Variants in PLEKHF1 observed in about 807,000 individuals in gnomAD.
The protein encoded by PLEKHF1 is pleckstrin homology and FYVE domain containing 1.
Under a neutral mutation model 4.1 loss-of-function variants are expected in PLEKHF1, and 1 was observed. That is an observed-to-expected ratio of 0.24 (90% CI 0.09 to 1.15). The LOEUF is 1.15. PLEKHF1 is among the 50% of genes most tolerant of loss of function. The probability of loss-of-function intolerance (pLI) is 0.52; values close to 1 mark genes in which losing one functional copy is unlikely to be tolerated. For synonymous variants in PLEKHF1, 182 were observed against 178.5 expected, an observed-to-expected ratio of 1.02 and a Z score of -0.16; for missense variants, 429 against 400.6, an observed-to-expected ratio of 1.07 and a Z score of -0.60.
At position 29,665,495 on chromosome 19, in the gene PLEKHF1, C is replaced by A; in HGVS notation, c.-27C>A. 2.6e-6 allele frequency: 3 copies of A among 1,164,840 alleles called. No homozygotes were observed. The highest frequency in any genetic ancestry group is 1.7e-5 in the African/African-American group (1 of 59,506). The allele number at this position is 1,164,840 out of a possible 1,614,324, so 72.2% of individuals were successfully genotyped here. ...TGGACTCGAGGGCTGGGCGCGGGGC[C>A]GGCGCAGAAGGTGAGTCCCCCCACC... On this transcript the variant is annotated 5_prime_UTR_variant, in exon 1 of 2. Transcript: ENST00000436066.
Position 29,673,835 on chromosome 19 carries a change from A to G in PLEKHF1, c.-5A>G. ...GTCTCCTCCTGCAGCCGCCAGCTGG[A>G]GACGATGGTGGACCACTTGGCCAAC... On this transcript the variant is annotated 5_prime_UTR_variant, in exon 2 of 2. Transcript: ENST00000436066. The G allele has an allele frequency of 6.3e-7, 1 of 1,587,262 alleles. No individual in the cohort carries two copies. Among genetic ancestry groups the G allele is most frequent in the Non-Finnish European group, 8.6e-7 (1 of 1,164,254 alleles).
Position 29,674,277 on chromosome 19 carries a change from G to A in PLEKHF1, c.438G>A (p.Ala146=), listed in dbSNP as rs35720974. ...GCCGCCCGCCCAGCACGGAGCACGC[G>A]GCACCCTGGATCCCCGACAAGGCCA... ...ATGRPPSTEH[A]APWIPDKATD... The change falls in exon 2 of 2, where the codon GCG becomes GCA. Residue 146 remains alanine (A), a synonymous_variant. Transcript: ENST00000436066. 1.4e-3 allele frequency: 2,243 copies of A among 1,600,118 alleles called. 40 individuals are homozygous for A. In the African/African-American group the frequency reaches 0.025, roughly 18 times the overall value.
At chr19:29,670,434 C>T (rs1050969302) in intron 1 of PLEKHF1, among the ~76,000 whole-genome samples, 25 of 152,140 alleles carry the variant, frequency 1.6e-4, no homozygotes, top group African/African-American at 5.6e-4. Flanking sequence ...AGGGCTCATT[C>T]GTGTTGTAGT....
intron 1 of PLEKHF1, 97 bp downstream of exon 1, chr19:29,665,602 C>A (rs948190049): frequency 8.2e-7 from 1 of 1,213,476 alleles, no homozygotes; most frequent in Non-Finnish European, 1.0e-6. Flanking sequence ...CGAGCTCTCT[C>A]CCGCCGCGCG....
intron 1 of PLEKHF1, among the ~76,000 whole-genome samples, chr19:29,665,958 G>A (rs1477582615): frequency 2.0e-5 from 3 of 152,134 alleles, no homozygotes; most frequent in Non-Finnish European, 2.9e-5. Context: ...CTGGGCAGGG[G>A]CGCGGCGGGG....
intron 1 of PLEKHF1, among the ~76,000 whole-genome samples, chr19:29,668,416 T>TA (rs57550573): frequency 0.017 from 2,376 of 141,774 alleles, 57 homozygotes; most frequent in African/African-American, 0.055. Flanking sequence ...TGAGAACAAT[T>TA]AAAAAAAAAA....
chr19:29,674,254 C>T lies in PLEKHF1; in HGVS notation c.415C>T (p.Arg139Cys), dbSNP rs1301515494. The part of the protein sequence containing the change: ...CVRRQLRATG[R>C]PPSTEHAAPW... Reference sequence around the variant, plus strand: ...GCGGCGGCAACTGAGGGCCACGGGCCGCCCGCCCAGCACGGAGCACGCGGC... The same window carrying T: ...GCGGCGGCAACTGAGGGCCACGGGCTGCCCGCCCAGCACGGAGCACGCGGC... Residue 139 changes from arginine to cysteine, a missense_variant, in exon 2 of 2, where the codon CGC becomes TGC. By Grantham distance (180) the Arg-to-Cys change is radical (BLOSUM62 -3). Coordinates refer to ENST00000436066, the MANE Select transcript of PLEKHF1 (RefSeq NM_024310.5). The T allele has an allele frequency of 3.1e-6, 5 of 1,607,688 alleles. No homozygotes were observed. Among genetic ancestry groups the T allele is most frequent in the Non-Finnish European group, 4.2e-6 (5 of 1,179,148 alleles).
intron 1 of PLEKHF1, among the ~76,000 whole-genome samples, chr19:29,672,235 T>C (rs904149844): frequency 2.6e-5 from 4 of 152,136 alleles, no homozygotes; most frequent in African/African-American, 4.8e-5. Context: ...ATTTTAGGCT[T>C]TGTCACCATG....
intron 1 of PLEKHF1, among the ~76,000 whole-genome samples, 157 bp from the exon 2 acceptor site, chr19:29,673,667 G>A (rs1864222): frequency 0.34 from 51,055 of 152,048 alleles, 10,257 homozygotes; most frequent in African/African-American, 0.56. Flanking sequence ...GTCAGCTTCC[G>A]AGGTGATGCT....
intron 1 of PLEKHF1, among the ~76,000 whole-genome samples, chr19:29,669,192 G>A (rs1051543901): frequency 2.0e-5 from 3 of 152,116 alleles, no homozygotes; most frequent in African/African-American, 4.8e-5. Context: ...TCTGCTGGAC[G>A]GGTCCAGGGT....
Position 29,675,048 on chromosome 19 carries a change from G to A in PLEKHF1, c.*369G>A. On this transcript the variant is annotated 3_prime_UTR_variant, in exon 2 of 2. Transcript: ENST00000436066. The stretch of plus-strand genomic sequence containing the variant: ...AACACAGAGGGAAGACAGGATGGGA[G>A]TGTAGCCACAGAACCCACCTGCACC... 1.3e-5 allele frequency: 3 copies of A among 223,798 alleles called. No homozygotes were observed. The highest frequency in any genetic ancestry group is 5.4e-5 in the Admixed American group (1 of 18,444). The allele number at this position is 223,798 out of a possible 1,614,324, so 13.9% of individuals were successfully genotyped here.
At position 29,673,992 on chromosome 19, in the gene PLEKHF1, G is replaced by C; in HGVS notation, c.153G>C (p.Lys51Asn). The C allele has an allele frequency of 6.2e-7, 1 of 1,614,108 alleles. No individual in the cohort carries two copies. The highest frequency in any genetic ancestry group is 8.5e-7 in the Non-Finnish European group (1 of 1,180,000). The change falls in exon 2 of 2, where the codon AAG becomes AAC. Residue 51 changes from lysine (K) to asparagine (N), a missense_variant. Coordinates refer to ENST00000436066, the MANE Select transcript of PLEKHF1 (RefSeq NM_024310.5). ...VLTKECRKKA[K>N]PRIFFLFNDI... Reference sequence around the variant, plus strand: ...CCAAAGAGTGCCGCAAGAAGGCCAAGCCGCGCATCTTCTTCCTCTTTAACG... The same window carrying C: ...CCAAAGAGTGCCGCAAGAAGGCCAACCCGCGCATCTTCTTCCTCTTTAACG...
rs1446636412 is a variant in PLEKHF1 at position 29,673,868 on chromosome 19, T to C, written c.29T>C (p.Ile10Thr). ...GTGGACCACTTGGCCAACACGGAGA[T>C]CAACAGCCAGCGCATCGCGGCAGTG... MVDHLANTE[I>T]NSQRIAAVES... The change falls in exon 2 of 2, where the codon ATC becomes ACC. Residue 10 changes from isoleucine to threonine, a missense_variant. Ile to Thr is a moderately conservative substitution (Grantham distance 89). Coordinates refer to ENST00000436066, the MANE Select transcript of PLEKHF1 (RefSeq NM_024310.5). The C allele has an allele frequency of 6.2e-7, 1 of 1,606,338 alleles. No individual in the cohort carries two copies. The highest frequency in any genetic ancestry group is 1.1e-5 in the South Asian group (1 of 90,542).
At chr19:29,673,425 A>T (rs1260101010) in intron 1 of PLEKHF1, among the ~76,000 whole-genome samples, 1 of 150,272 alleles carries the variant, frequency 6.7e-6, no homozygotes, top group Non-Finnish European at 1.5e-5. Flanking sequence ...CCACTCAGTC[A>T]CCTAGCTAGA....
At chr19:29,667,272 AGT>A (rs1358493981) in intron 1 of PLEKHF1, 4 of 152,240 alleles carry the variant, frequency 2.6e-5, no homozygotes, top group Non-Finnish European at 4.4e-5. Flanking sequence ...TTTTCTTCAC[AGT>A]GTTTAGCACT....
intron 1 of PLEKHF1, among the ~76,000 whole-genome samples, chr19:29,667,607 G>A (rs528161374): frequency 3.2e-4 from 49 of 152,176 alleles, no homozygotes; most frequent in South Asian, 1.0e-3. Flanking sequence ...CCTGTAACCC[G>A]AGGCAGAGCA....
chr19:29,665,863 G>A (rs1599506470), intron 1 of PLEKHF1: 1 of 996,624 alleles, frequency 1.0e-6, no homozygotes, highest in Non-Finnish European at 1.2e-6. Context: ...TGGTGTTTCC[G>A]GGATCCTGGC....
At chr19:29,672,364 C>G (rs1455869075) in intron 1 of PLEKHF1, among the ~76,000 whole-genome samples, 1 of 152,110 alleles carries the variant, frequency 6.6e-6, no homozygotes, top group Non-Finnish European at 1.5e-5. Flanking sequence ...GGCTGAGGGC[C>G]GGATTTGACT....
rs1467962650 is a variant in PLEKHF1, at chr19:29,674,667, C to T, written c.828C>T (p.Ala276=). Residue 276 remains alanine (A), a synonymous_variant, in exon 2 of 2, where the codon GCC becomes GCT. Transcript: ENST00000436066. ...ACGCCTCGGGGGTGGCCTGGTCTGC[C>T]TTCCACAGCTGACCCCCGGCCTGCA... ...EFYASGVAWS[A]FHS 6.2e-7 allele frequency: 1 copy of T among 1,602,110 alleles called. No homozygotes were observed. The highest frequency in any genetic ancestry group is 2.2e-5 in the East Asian group (1 of 44,574).
Sources: allele counts gnomAD v4.1 joint callset (sites outside exome capture counted in the v4.1 genomes callset), GRCh38; gene constraint gnomAD v4.1.1; transcripts MANE v1.5; gene names NCBI Gene and HGNC (gene_info 2026-07-23, HGNC 2026-07-21).